ROBO2: variants seen among roughly 807,000 people sequenced by gnomAD.
The protein encoded by ROBO2 is roundabout guidance receptor 2.
ROBO2 carries 53 observed loss-of-function variants against 160.8 expected under a neutral mutation model. That is an observed-to-expected ratio of 0.33 (90% CI 0.26 to 0.41). The LOEUF (loss-of-function observed/expected upper bound fraction) is 0.41, where lower values mean the gene tolerates loss of function less well. Ranked by LOEUF, ROBO2 falls within the 10% of genes least tolerant of loss-of-function variation. The probability of loss-of-function intolerance (pLI) is 1.00; values close to 1 mark genes in which losing one functional copy is unlikely to be tolerated. For missense variants in ROBO2, 1,577 were observed against 1,722.4 expected (o/e 0.92, Z 1.49); for synonymous variants, 664 against 611.7 (o/e 1.09, Z -1.26).
chr3:77,360,254 C>G (rs980262483), intron 2 of ROBO2, among the ~76,000 whole-genome samples: 32 of 146,976 alleles, frequency 2.2e-4, no homozygotes, highest in African/African-American at 8.0e-4. Flanking sequence ...GTAATGCAAC[C>G]CCCCCCCCAA....
chr3:77,026,985 G>A (rs925633622), intron 2 of ROBO2, among the ~76,000 whole-genome samples: 1 of 152,122 alleles, frequency 6.6e-6, no homozygotes, highest in African/African-American at 2.4e-5. Context: ...TTTTAGAAGG[G>A]AGGTTAATGG....
intron 2 of ROBO2, among the ~76,000 whole-genome samples, chr3:76,099,412 G>T (rs902850318): frequency 1.3e-5 from 2 of 150,532 alleles, no homozygotes; most frequent in Admixed American, 1.3e-4. Context: ...AAAAAAAAAT[G>T]TAATTACCAA....
intron 2 of ROBO2, among the ~76,000 whole-genome samples, chr3:76,387,183 G>A (rs962051105): frequency 1.3e-5 from 2 of 152,080 alleles, no homozygotes; most frequent in African/African-American, 4.8e-5. Flanking sequence ...CCTTTTGTAA[G>A]GCAGTAATCC....
At chr3:77,088,247 G>A (rs1242740596) in intron 1 of ROBO2, among the ~76,000 whole-genome samples, 1 of 152,056 alleles carries the variant, frequency 6.6e-6, no homozygotes, top group Admixed American at 6.6e-5. Context: ...GTGAAATTCA[G>A]GTTGAAAGTT....
At chr3:77,457,828 T>A (rs2081838382) in intron 2 of ROBO2, among the ~76,000 whole-genome samples, 1 of 152,018 alleles carries the variant, frequency 6.6e-6, no homozygotes, top group African/African-American at 2.4e-5. Context: ...ATTATATTAA[T>A]TTAATATTTG....
intron 1 of ROBO2, among the ~76,000 whole-genome samples, chr3:77,042,164 G>A (rs901353214): frequency 4.6e-5 from 7 of 152,206 alleles, no homozygotes; most frequent in Non-Finnish European, 1.0e-4. Flanking sequence ...TAGTGAGGGA[G>A]GGATGCGTGT....
intron 2 of ROBO2, among the ~76,000 whole-genome samples, chr3:76,335,831 C>A (rs2073852961): frequency 6.6e-6 from 1 of 152,206 alleles, no homozygotes; most frequent in South Asian, 2.1e-4. Flanking sequence ...CCGCCTCGTC[C>A]TCCCAAAGTG....
intron 2 of ROBO2, among the ~76,000 whole-genome samples, chr3:76,866,475 G>A (rs2071384803): frequency 6.6e-6 from 1 of 151,684 alleles, no homozygotes; most frequent in South Asian, 2.1e-4. Flanking sequence ...TATTGTTATT[G>A]ACAAACTTTA....
At chr3:76,070,746 G>A (rs947672635) in intron 2 of ROBO2, among the ~76,000 whole-genome samples, 3 of 151,950 alleles carry the variant, frequency 2.0e-5, no homozygotes, top group Admixed American at 6.6e-5. Flanking sequence ...TCCCCCAGAC[G>A]CCCAGCTTTA....
intron 2 of ROBO2, among the ~76,000 whole-genome samples, chr3:75,974,375 AATT>A (rs758075314): frequency 7.9e-5 from 12 of 151,764 alleles, no homozygotes; most frequent in African/African-American, 2.2e-4. Flanking sequence ...TTGCTGTTGC[AATT>A]ATTATCAGCA....
chr3:76,397,643 C>A (rs1406090807), intron 2 of ROBO2, among the ~76,000 whole-genome samples: 12 of 151,660 alleles, frequency 7.9e-5, no homozygotes, highest in Non-Finnish European at 1.6e-4. Flanking sequence ...AAACAAACAA[C>A]CCCATCAAAA....
chr3:76,315,784 T>A (rs2071967738), intron 2 of ROBO2, among the ~76,000 whole-genome samples: 1 of 152,184 alleles, frequency 6.6e-6, no homozygotes, highest in Admixed American at 6.6e-5. Flanking sequence ...ATTAATCAGA[T>A]TTGAACACAA....
At chr3:77,380,109 A>G (rs1203597348) in intron 2 of ROBO2, among the ~76,000 whole-genome samples, 1 of 152,200 alleles carries the variant, frequency 6.6e-6, no homozygotes, top group Non-Finnish European at 1.5e-5. Context: ...GAGTCTACTA[A>G]TATTAATGTG....
At chr3:76,365,686 C>A (rs533927494) in intron 2 of ROBO2, among the ~76,000 whole-genome samples, 1 of 152,134 alleles carries the variant, frequency 6.6e-6, no homozygotes, top group East Asian at 1.9e-4. Context: ...AGATTGAGTA[C>A]AATTAGATCC....
At chr3:76,032,040 T>G (rs1217908759) in intron 2 of ROBO2, among the ~76,000 whole-genome samples, 4 of 152,190 alleles carry the variant, frequency 2.6e-5, no homozygotes, top group Non-Finnish European at 5.9e-5. Context: ...TAGAGCCTGT[T>G]ATTGGTCTAT....
chr3:76,513,020 T>G (rs547421298), intron 2 of ROBO2, among the ~76,000 whole-genome samples: 1 of 152,254 alleles, frequency 6.6e-6, no homozygotes, highest in African/African-American at 2.4e-5. Flanking sequence ...CACAGTTTAA[T>G]TTAGAAATAA....
intron 2 of ROBO2, among the ~76,000 whole-genome samples, chr3:76,212,915 T>G (rs371354530): frequency 0.97 from 147,279 of 151,914 alleles, 71,522 homozygotes; most frequent in Non-Finnish European, 1. Context: ...TGTTCTTAGT[T>G]TCACTTTTGG....
intron 23 of ROBO2, chr3:77,632,814 C>A: frequency 1.9e-6 from 1 of 531,876 alleles, no homozygotes; most frequent in Non-Finnish European, 3.1e-6. Context: ...AAACTCTCTT[C>A]TGATGCTAGT....
chr3:77,237,411 T>TTTTGTGTGTGTGTGTG (rs374947657), intron 2 of ROBO2, among the ~76,000 whole-genome samples: 1 of 131,044 alleles, frequency 7.6e-6, no homozygotes, highest in South Asian at 2.6e-4. Flanking sequence ...TTGTTTTGTT[T>TTTTGTGTGTGTGTGTG]TGTGTGTGTG....
Sources: allele counts gnomAD v4.1 joint callset (sites outside exome capture counted in the v4.1 genomes callset), GRCh38; gene constraint gnomAD v4.1.1; transcripts MANE v1.5; gene names NCBI Gene and HGNC (gene_info 2026-07-23, HGNC 2026-07-21).